Variants in DCT observed in about 807,000 individuals in gnomAD.
DCT encodes the protein dopachrome tautomerase.
DCT carries 47 observed loss-of-function variants against 53.0 expected under a neutral mutation model. That is an observed-to-expected ratio of 0.89 (90% CI 0.70 to 1.13). The LOEUF is 1.13. Ranked by LOEUF, DCT falls within the 50% of genes most tolerant of loss-of-function variation. The probability of loss-of-function intolerance (pLI) is 0.00; values close to 1 mark genes in which losing one functional copy is unlikely to be tolerated. For missense variants in DCT, 669 were observed against 637.4 expected (o/e 1.05, Z -0.53); for synonymous variants, 244 against 237.0 (o/e 1.03, Z -0.27).
At chr13:94,478,933 C>T in intron 1 of DCT, 28 bp downstream of exon 1, 3 of 1,571,432 alleles carry the variant, frequency 1.9e-6, no homozygotes, top group Non-Finnish European at 2.6e-6. Context: ...TCTGGCCCTC[C>T]CCACCAAGCT....
the DCT span, among the ~76,000 whole-genome samples, chr13:94,504,013 C>T: frequency 5.3e-5 from 8 of 152,106 alleles, no homozygotes; most frequent in Non-Finnish European, 2.9e-5. Context: ...TATGTTGTTG[C>T]TTGGTGAACT....
At chr13:94,489,032 T>C in the DCT span, among the ~76,000 whole-genome samples, 2,835 of 152,242 alleles carry the variant, frequency 0.019, 37 homozygotes, top group Non-Finnish European at 0.031. Context: ...CATCTGTGTG[T>C]GTCAATGTGT....
chr13:94,490,580 T>C, the DCT span, among the ~76,000 whole-genome samples: 87,000 of 147,090 alleles, frequency 0.59, 25,996 homozygotes, highest in Middle Eastern at 0.69. Flanking sequence ...TTAAAAATGG[T>C]TCTTCTCATT....
At position 94,437,068 on chromosome 13, in the gene DCT, T is replaced by G; in HGVS notation, c.*2830A>C. 6.6e-6 allele frequency: 1 copy of G among 152,136 alleles called. No homozygotes were observed. The highest frequency in any genetic ancestry group is 1.9e-4 in the East Asian group (1 of 5,182). The allele number at this position is 152,136 out of a possible 1,614,324, so 9.4% of individuals were successfully genotyped here. ...AACTGTGGGGAATATCAAAAGTAAC[T>G]TCACCTGAGGAAAGGCTGGCTCTCC... On this transcript the variant is annotated 3_prime_UTR_variant, in exon 8 of 8. Coordinates refer to ENST00000377028, the MANE Select transcript of DCT (RefSeq NM_001922.5).
At chr13:94,512,548 C>T in the DCT span, among the ~76,000 whole-genome samples, 1,884 of 152,216 alleles carry the variant, frequency 0.012, 45 homozygotes, top group African/African-American at 0.043. Flanking sequence ...TGGGAAAAAA[C>T]GACAAACTAT....
chr13:94,441,155 T>C (rs1882282284), intron 7 of DCT, among the ~76,000 whole-genome samples: 1 of 152,200 alleles, frequency 6.6e-6, no homozygotes, highest in Non-Finnish European at 1.5e-5. Context: ...GGTCCTGACC[T>C]GTCCTGATGG....
the DCT span, among the ~76,000 whole-genome samples, chr13:94,538,685 G>A: frequency 6.6e-6 from 1 of 152,176 alleles, no homozygotes; most frequent in Non-Finnish European, 1.5e-5. Context: ...GCTGTCCACT[G>A]CCCATCACAA....
At position 94,465,640 on chromosome 13, in the gene DCT, A is replaced by G. The variant is rs150712681; in HGVS notation, c.856T>C (p.Cys286Arg). Reference protein sequence around the residue: ...NSRFSSWETVCDSLDDYNHLV... With the variant: ...NSRFSSWETVRDSLDDYNHLV... ...AGGTACAGGAGCCATTACCTATCAC[A>G]GACAGTTTCCCAGCTGGAGAATCTT... The change falls in exon 4 of 8, where the codon TGT becomes CGT. Residue 286 changes from cysteine (C) to arginine (R), a missense_variant. Physicochemically the swap from Cys to Arg is radical, Grantham distance 180. Transcript: ENST00000377028. 3.7e-6 allele frequency: 6 copies of G among 1,613,344 alleles called. No individual in the cohort carries two copies. The African/African-American group carries it at 4.0e-5, about 11-fold the overall frequency.
chr13:94,521,704 C>T, the DCT span, among the ~76,000 whole-genome samples: 4 of 152,016 alleles, frequency 2.6e-5, no homozygotes, highest in South Asian at 8.3e-4. Flanking sequence ...CAAAAAAAAA[C>T]CTTTAGTAAT....
the DCT span, among the ~76,000 whole-genome samples, chr13:94,543,410 C>T: frequency 3.3e-5 from 5 of 152,280 alleles, no homozygotes; most frequent in South Asian, 1.0e-3. Flanking sequence ...TATTTGAACA[C>T]AGACGTGGCT....
intron 1 of DCT, among the ~76,000 whole-genome samples, chr13:94,469,583 A>C (rs1046181516): frequency 6.6e-6 from 1 of 152,096 alleles, no homozygotes; most frequent in Non-Finnish European, 1.5e-5. Flanking sequence ...TGGGAGGGTG[A>C]ATTTCAGTGT....
At chr13:94,541,670 G>T in the DCT span, among the ~76,000 whole-genome samples, 6 of 152,142 alleles carry the variant, frequency 3.9e-5, no homozygotes. Context: ...GTAATTCGAG[G>T]AGTGGATTTG....
chr13:94,479,871 A>G (rs992509813), upstream of DCT, among the ~76,000 whole-genome samples: 7 of 152,078 alleles, frequency 4.6e-5, no homozygotes, highest in African/African-American at 1.7e-4. Flanking sequence ...GGAGGGCAAA[A>G]CCATCTTCTT....
chr13:94,472,562 AT>A (rs1884797470), intron 1 of DCT, among the ~76,000 whole-genome samples: 1 of 19,086 alleles, frequency 5.2e-5, no homozygotes, highest in East Asian at 1.4e-3. Flanking sequence ...ATATATATAT[AT>A]ATATATTTTT....
the DCT span, among the ~76,000 whole-genome samples, chr13:94,508,798 G>A: frequency 6.6e-6 from 1 of 152,198 alleles, no homozygotes. Context: ...TCCAATTACA[G>A]GAGATGCTGC....
intron 6 of DCT, among the ~76,000 whole-genome samples, chr13:94,449,431 C>T (rs1882943636): frequency 6.6e-6 from 1 of 152,194 alleles, no homozygotes; most frequent in Non-Finnish European, 1.5e-5. Context: ...TAAAGACCAG[C>T]ACAGTGTAGC....
the DCT span, among the ~76,000 whole-genome samples, chr13:94,514,099 G>A: frequency 6.6e-6 from 1 of 151,880 alleles, no homozygotes; most frequent in Non-Finnish European, 1.5e-5. Context: ...TAGGATCATG[G>A]GCTGGGCACT....
chr13:94,453,592 C>G (rs1883232458), intron 6 of DCT, among the ~76,000 whole-genome samples: 1 of 151,086 alleles, frequency 6.6e-6, no homozygotes, highest in African/African-American at 2.5e-5. Flanking sequence ...TAGCTGTGTT[C>G]CCACCCAAAT....
At chr13:94,509,562 G>A in the DCT span, among the ~76,000 whole-genome samples, 2 of 152,156 alleles carry the variant, frequency 1.3e-5, no homozygotes, top group African/African-American at 4.8e-5. Context: ...CAACCATAAT[G>A]GATATGCAGT....
Sources: allele counts gnomAD v4.1 joint callset (sites outside exome capture counted in the v4.1 genomes callset), GRCh38; gene constraint gnomAD v4.1.1; transcripts MANE v1.5; gene names NCBI Gene and HGNC (gene_info 2026-07-23, HGNC 2026-07-21).